ITSN1: variants seen among roughly 807,000 people sequenced by gnomAD.
ITSN1 encodes the protein intersectin 1, also known as intersectin-1.
A neutral mutation model predicts 239.8 loss-of-function variants in ITSN1; 58 were observed. The ratio of observed to expected loss-of-function variants is 0.24; its 90% CI spans 0.20 to 0.30. ITSN1 has a LOEUF of 0.30. ITSN1 is among the 10% of genes least tolerant of loss of function. The pLI, the probability that ITSN1 is intolerant of heterozygous loss-of-function variation, is 1.00. For missense variants in ITSN1, 1,558 were observed against 2,103.3 expected (o/e 0.74, Z 5.07); for synonymous variants, 780 against 770.8 (o/e 1.01, Z -0.20).
Position 33,834,327 on chromosome 21 carries a change from G to T in ITSN1, c.3372G>T (p.Gln1124His). The change falls in exon 28 of 40, where the codon CAG becomes CAT. Residue 1124 changes from glutamine (Q) to histidine (H), a missense_variant. By Grantham distance (24) the Gln-to-His change is conservative. Transcript: ENST00000381318. ...GELQARGKKR[Q>H]IGWFPANYVK... ...ACTAGGCACGTGGGAAAAAGCGCCA[G>T]ATAGGCTGGTTCCCAGCTAATTATG... The T allele has an allele frequency of 6.2e-7, 1 of 1,614,002 alleles. No individual in the cohort carries two copies. The highest frequency in any genetic ancestry group is 8.5e-7 in the Non-Finnish European group (1 of 1,179,894).
chr21:33,645,059 G>A (rs943408156), intron 1 of ITSN1, among the ~76,000 whole-genome samples: 1 of 152,022 alleles, frequency 6.6e-6, no homozygotes, highest in South Asian at 2.1e-4. Context: ...TACCTTAAAC[G>A]ATTCTCCCAC....
At chr21:33,825,462 A>G (rs1348644433) in intron 25 of ITSN1, among the ~76,000 whole-genome samples, 1 of 152,148 alleles carries the variant, frequency 6.6e-6, no homozygotes, top group African/African-American at 2.4e-5. Context: ...GCATGGGGAG[A>G]GTCGTCCCAT....
intron 11 of ITSN1, among the ~76,000 whole-genome samples, chr21:33,768,976 T>G: frequency 6.6e-6 from 1 of 152,206 alleles, no homozygotes; most frequent in Non-Finnish European, 1.5e-5. Context: ...ACTTCAGCAG[T>G]ATGTGAGTGG....
At chr21:33,802,390 T>C (rs1256857594) in intron 19 of ITSN1, 40 bp from the exon 20 acceptor site, 3 of 1,602,852 alleles carry the variant, frequency 1.9e-6, no homozygotes, top group Non-Finnish European at 2.6e-6. Flanking sequence ...ATTAAACATA[T>C]ATTTTGCCTT....
chr21:33,646,434 G>A (rs947096983), intron 1 of ITSN1, among the ~76,000 whole-genome samples: 1 of 152,012 alleles, frequency 6.6e-6, no homozygotes, highest in African/African-American at 2.4e-5. Context: ...TTGGTTTCTA[G>A]CAAATAGAGA....
At chr21:33,760,263 C>G (rs927337333) in intron 8 of ITSN1, among the ~76,000 whole-genome samples, 1 of 152,058 alleles carries the variant, frequency 6.6e-6, no homozygotes, top group Non-Finnish European at 1.5e-5. Flanking sequence ...AGCGGACAGG[C>G]TATTTGGTTA....
intron 1 of ITSN1, among the ~76,000 whole-genome samples, chr21:33,658,299 G>A (rs989522807): frequency 6.6e-6 from 1 of 152,150 alleles, no homozygotes; most frequent in African/African-American, 2.4e-5. Flanking sequence ...GGTGACAAAG[G>A]TAGAAGAAAA....
rs1357046739 is a variant in ITSN1, at chr21:33,897,638, G to C, written c.*9338G>C. ...TATATGGTATGTAAGAGGCCATGCTGTTAAATGTTGCATAAACTAACACAG... is the reference window on the plus strand; with the variant it reads ...TATATGGTATGTAAGAGGCCATGCTCTTAAATGTTGCATAAACTAACACAG... On this transcript the variant is annotated 3_prime_UTR_variant, in exon 40 of 40. Coordinates refer to ENST00000381318, the MANE Select transcript of ITSN1 (RefSeq NM_003024.3). 6.6e-6 allele frequency: 1 copy of C among 152,208 alleles called. No individual in the cohort carries two copies. The highest frequency in any genetic ancestry group is 2.4e-5 in the African/African-American group (1 of 41,426). The allele number at this position is 152,208 out of a possible 1,614,324, so 9.4% of individuals were successfully genotyped here.
intron 1 of ITSN1, among the ~76,000 whole-genome samples, chr21:33,713,532 C>T (rs1009136302): frequency 6.6e-6 from 1 of 151,164 alleles, no homozygotes; most frequent in African/African-American, 2.4e-5. Context: ...GTGAGCACCA[C>T]TCCCGGTCTC....
In ITSN1 at chr21:33,671,863, A is replaced by G. The variant is rs369734772; in HGVS notation, c.-33+29150A>G. Among the ~76,000 whole-genome samples the G allele has an allele frequency of 3.9e-5, 6 of 152,330 alleles. No homozygotes were observed. In the East Asian group the frequency reaches 5.8e-4, roughly 15 times the overall value. On this transcript the variant is annotated intron_variant, in intron 1 of 39. Transcript: ENST00000381318. ...AATCTCACCGTTAATCAGTGTTAAT[A>G]TTTTGTTGTATATCCATCTTGTCCT... is the stretch of plus-strand genomic sequence containing the variant.
intron 19 of ITSN1, among the ~76,000 whole-genome samples, chr21:33,800,423 T>C (rs991035467): frequency 2.6e-5 from 4 of 152,166 alleles, no homozygotes; most frequent in Admixed American, 2.6e-4. Flanking sequence ...GAAATAGTTA[T>C]AAGTGCAAAA....
intron 24 of ITSN1, among the ~76,000 whole-genome samples, chr21:33,822,595 T>G (rs2073750563): frequency 6.6e-6 from 1 of 152,234 alleles, no homozygotes; most frequent in South Asian, 2.1e-4. Flanking sequence ...TAAGCCTTAA[T>G]AAAATCCACC....
chr21:33,713,887 T>C (rs1470118010), intron 1 of ITSN1, among the ~76,000 whole-genome samples: 3 of 126,774 alleles, frequency 2.4e-5, no homozygotes, highest in Non-Finnish European at 4.6e-5. Context: ...CAAGCTGGAG[T>C]GCAGTGGCGC....
At chr21:33,725,457 G>A (rs1251482743) in intron 4 of ITSN1, among the ~76,000 whole-genome samples, 1 of 152,036 alleles carries the variant, frequency 6.6e-6, no homozygotes, top group Non-Finnish European at 1.5e-5. Flanking sequence ...TTAATTAGCT[G>A]GGCATTGTGG....
chr21:33,716,467 C>T (rs2065148892), intron 1 of ITSN1: 5 of 152,292 alleles, frequency 3.3e-5, no homozygotes, highest in Non-Finnish European at 7.3e-5. Flanking sequence ...CACACCCCAC[C>T]CAGCAGTTCG....
chr21:33,760,874 T>G (rs1187253821), intron 8 of ITSN1, among the ~76,000 whole-genome samples: 2 of 152,178 alleles, frequency 1.3e-5, no homozygotes, highest in Non-Finnish European at 2.9e-5. Context: ...GGAAGACGTA[T>G]TTATTTCTCC....
intron 29 of ITSN1, among the ~76,000 whole-genome samples, chr21:33,845,728 G>A (rs544112532): frequency 6.6e-6 from 1 of 152,336 alleles, no homozygotes; most frequent in Admixed American, 6.5e-5. Flanking sequence ...CCTGCTCAGT[G>A]TTCTTTCTTC....
At chr21:33,643,345 C>T (rs546635189) in intron 1 of ITSN1, 298 of 152,374 alleles carry the variant, frequency 2.0e-3, no homozygotes, top group African/African-American at 6.9e-3. Flanking sequence ...TCCCCGGGTC[C>T]GCCGCGTCCC....
intron 33 of ITSN1, among the ~76,000 whole-genome samples, chr21:33,869,170 T>C (rs9977073): frequency 0.38 from 57,019 of 151,966 alleles, 11,301 homozygotes; most frequent in East Asian, 0.51. Context: ...TCTCACACTG[T>C]TGTAAAGGAC....
Sources: allele counts gnomAD v4.1 joint callset (sites outside exome capture counted in the v4.1 genomes callset), GRCh38; gene constraint gnomAD v4.1.1; transcripts MANE v1.5; gene names NCBI Gene and HGNC (gene_info 2026-07-23, HGNC 2026-07-21).